The following DHRS9 variants were observed in gnomAD, a reference collection of about 807,000 sequenced individuals.
DHRS9 encodes dehydrogenase/reductase 9.
In DHRS9, 18 loss-of-function variants were observed where a neutral mutation model predicts 26.6. The observed-to-expected ratio is 0.68, with a 90% CI of 0.47 to 1.00. The LOEUF (loss-of-function observed/expected upper bound fraction) is 1.00, where lower values mean the gene tolerates loss of function less well. Ranked by LOEUF, DHRS9 falls within the 50% of genes least tolerant of loss-of-function variation. DHRS9 has a pLI of 0.00. For missense variants in DHRS9, 425 were observed against 378.7 expected (o/e 1.12, Z -1.01); for synonymous variants, 134 against 141.1 (o/e 0.95, Z 0.36).
intron 1 of DHRS9, 90 bp downstream of exon 1, chr2:169,069,807 G>A (rs1018173696): frequency 4.4e-5 from 42 of 960,584 alleles, no homozygotes; most frequent in Middle Eastern, 5.3e-4. Context: ...AGAATGAATC[G>A]GTGGTCTTTC....
At chr2:169,084,084 T>C (rs1197967627) in intron 3 of DHRS9, among the ~76,000 whole-genome samples, 2 of 152,214 alleles carry the variant, frequency 1.3e-5, no homozygotes, top group Non-Finnish European at 2.9e-5. Flanking sequence ...AGTGAGAACA[T>C]GGGAACTTCG....
Position 169,095,962 on chromosome 2 carries a change from G to T in DHRS9, c.*195G>T. 1.7e-6 allele frequency: 1 copy of T among 605,516 alleles called. No homozygotes were observed. Among genetic ancestry groups the T allele is most frequent in the South Asian group, 2.0e-5 (1 of 49,874 alleles). 37.5% of individuals were successfully genotyped at this position (605,516 alleles called of 1,614,324 possible). Reference sequence around the variant, plus strand: ...GCTCAAGTTTTCTTTGAAAAGGAGGGCTGGAATGGTACATCACATAGGCAA... The same window carrying T: ...GCTCAAGTTTTCTTTGAAAAGGAGGTCTGGAATGGTACATCACATAGGCAA... On this transcript the variant is annotated 3_prime_UTR_variant, in exon 5 of 5. Transcript: ENST00000674881.
At position 169,093,995 on chromosome 2, in the gene DHRS9, T is replaced by TG. The variant is rs1032214621; in HGVS notation, c.737-1542dup. On this transcript the variant is annotated intron_variant, in intron 4 of 4. Transcript: ENST00000674881. ...TCATATGATAGCTCTACTTTGAATT[T>TG]GGGGGGGAAATCTCTATGCCATTTT... 4.3e-4 allele frequency among the ~76,000 whole-genome samples: 66 copies of TG among 152,242 alleles called. 1 individual carries two copies. The highest frequency in any genetic ancestry group is 1.4e-3 in the African/African-American group (57 of 41,548).
At chr2:169,081,475 G>A (rs770890539) in intron 1 of DHRS9, 48 bp from the exon 2 acceptor site, 18 of 1,501,242 alleles carry the variant, frequency 1.2e-5, no homozygotes. Context: ...GGGTTATAAT[G>A]CCTTGGTAGT....
intron 1 of DHRS9, among the ~76,000 whole-genome samples, chr2:169,077,618 AG>A (rs1684001660): frequency 6.6e-6 from 1 of 152,024 alleles, no homozygotes; most frequent in Admixed American, 6.5e-5. Flanking sequence ...AAAAAAAAAA[AG>A]ATGGGATCTT....
In DHRS9 at chr2:169,095,762, G is replaced by A. The variant is rs1325057116; in HGVS notation, c.955G>A (p.Val319Met). Reference sequence around the variant, plus strand: ...AGCAGAGCTGGCTAATCCCAAGGCAGTGTGACTCAGCTAACCACAAATGTC... The same window carrying A: ...AGCAGAGCTGGCTAATCCCAAGGCAATGTGACTCAGCTAACCACAAATGTC... ...QKAELANPKA[V>M] is the part of the protein sequence containing the mutation. The change falls in exon 5 of 5, where the codon GTG (valine) becomes ATG (methionine). Residue 319 changes from valine (V) to methionine (M), a missense_variant. Val to Met is a conservative substitution (Grantham distance 21, BLOSUM62 1). Transcript: ENST00000674881. 6.2e-7 allele frequency: 1 copy of A among 1,613,424 alleles called. No individual in the cohort carries two copies. Among genetic ancestry groups the A allele is most frequent in the Admixed American group, 1.7e-5 (1 of 59,934 alleles).
intron 4 of DHRS9, among the ~76,000 whole-genome samples, chr2:169,094,016 A>T (rs1209019769): frequency 6.6e-6 from 1 of 152,174 alleles, no homozygotes; most frequent in Non-Finnish European, 1.5e-5. Flanking sequence ...TCTCTATGCC[A>T]TTTTCCATAA....
At chr2:169,091,602 C>G (rs540728785) in intron 3 of DHRS9, among the ~76,000 whole-genome samples, 188 bp from the exon 4 acceptor site, 1 of 152,340 alleles carries the variant, frequency 6.6e-6, no homozygotes, top group East Asian at 1.9e-4. Context: ...TTAACTAGTC[C>G]TCACTTCACC....
intron 1 of DHRS9, among the ~76,000 whole-genome samples, chr2:169,078,863 G>A (rs889606590): frequency 6.4e-5 from 8 of 124,306 alleles, no homozygotes; most frequent in South Asian, 2.5e-4. Flanking sequence ...TTGCACTGTC[G>A]CCAGGGCTGG....
At chr2:169,089,501 C>A (rs1684454784) in intron 3 of DHRS9, among the ~76,000 whole-genome samples, 1 of 152,152 alleles carries the variant, frequency 6.6e-6, no homozygotes, top group African/African-American at 2.4e-5. Context: ...CCACAATAGG[C>A]AAGTGAGAAG....
intron 1 of DHRS9, among the ~76,000 whole-genome samples, chr2:169,073,239 A>G (rs1485252343): frequency 2.6e-5 from 4 of 152,252 alleles, no homozygotes; most frequent in African/African-American, 9.6e-5. Context: ...CTGCAGTGGT[A>G]GAACAGAATG....
chr2:169,090,089 T>A (rs1230374409), intron 3 of DHRS9, among the ~76,000 whole-genome samples: 7 of 152,332 alleles, frequency 4.6e-5, no homozygotes, highest in Admixed American at 4.6e-4. Context: ...TAAAGAGTAT[T>A]TTTCTTAAAT....
intron 1 of DHRS9, among the ~76,000 whole-genome samples, chr2:169,079,699 C>T (rs1398175194): frequency 2.0e-5 from 3 of 151,306 alleles, no homozygotes; most frequent in Non-Finnish European, 4.4e-5. Flanking sequence ...ACTAAAAATA[C>T]AAAAATTAGC....
intron 1 of DHRS9, chr2:169,074,326 C>A: frequency 1.0e-6 from 1 of 985,440 alleles, no homozygotes; most frequent in African/African-American, 1.7e-5. Flanking sequence ...TGGGATGGAA[C>A]CTCTGCCTGC....
At chr2:169,069,754 T>C (rs1236922793) in intron 1 of DHRS9, 37 bp downstream of exon 1, 3 of 985,156 alleles carry the variant, frequency 3.0e-6, no homozygotes, top group Non-Finnish European at 3.6e-6. Flanking sequence ...TTCTTTTATT[T>C]ATCAAGTCAA....
intron 3 of DHRS9, among the ~76,000 whole-genome samples, chr2:169,086,802 G>C (rs539101201): frequency 2.6e-5 from 4 of 152,240 alleles, no homozygotes; most frequent in African/African-American, 9.6e-5. Flanking sequence ...AGAATTATCT[G>C]GTTTACCAGG....
intron 4 of DHRS9, among the ~76,000 whole-genome samples, chr2:169,093,061 C>T (rs1029642081): frequency 2.6e-5 from 4 of 152,138 alleles, no homozygotes; most frequent in African/African-American, 9.7e-5. Flanking sequence ...CTTTCCCCTC[C>T]GCCACAAACT....
intron 1 of DHRS9, among the ~76,000 whole-genome samples, chr2:169,073,595 A>G (rs1683875339): frequency 6.6e-6 from 1 of 152,212 alleles, no homozygotes; most frequent in African/African-American, 2.4e-5. Flanking sequence ...GGGAGGGAAC[A>G]GATGGGAGGT....
At chr2:169,082,796 C>T (rs1307515725) in intron 2 of DHRS9, among the ~76,000 whole-genome samples, 3 of 143,790 alleles carry the variant, frequency 2.1e-5, no homozygotes. Flanking sequence ...AAAAATAGAT[C>T]AATTTGTTCT....
Sources: allele counts gnomAD v4.1 joint callset (sites outside exome capture counted in the v4.1 genomes callset), GRCh38; gene constraint gnomAD v4.1.1; transcripts MANE v1.5; gene names NCBI Gene and HGNC (gene_info 2026-07-23, HGNC 2026-07-21).